TSBP1: variants seen among roughly 807,000 people sequenced by gnomAD.
TSBP1 encodes testis expressed basic protein 1, also known as testis-expressed basic protein 1.
TSBP1 carries 56 observed loss-of-function variants against 68.8 expected under a neutral mutation model. That is an observed-to-expected ratio of 0.81 (90% CI 0.66 to 1.02). TSBP1 has a LOEUF of 1.02. Among genes scored for constraint, TSBP1 ranks in the 50% least tolerant of loss-of-function variants. The probability of loss-of-function intolerance (pLI) is 0.00; values close to 1 mark genes in which losing one functional copy is unlikely to be tolerated. For synonymous variants in TSBP1, 171 were observed against 208.7 expected (o/e 0.82, Z 1.56); for missense variants, 502 against 641.2 (o/e 0.78, Z 2.34).
chr6:32,296,454 C>T (rs1582958471), intron 22 of TSBP1, among the ~76,000 whole-genome samples: 1 of 152,240 alleles, frequency 6.6e-6, no homozygotes, highest in Non-Finnish European at 1.5e-5. Context: ...TGGTTACTGA[C>T]ATTTTATTCT....
chr6:32,364,848 A>C (rs1479255869), intron 6 of TSBP1, among the ~76,000 whole-genome samples: 4 of 152,108 alleles, frequency 2.6e-5, no homozygotes, highest in Admixed American at 1.3e-4. Context: ...TCACATTTGA[A>C]GAAACAGTCA....
intron 9 of TSBP1, among the ~76,000 whole-genome samples, chr6:32,341,277 T>C (rs1407133897): frequency 6.6e-6 from 1 of 152,202 alleles, no homozygotes; most frequent in East Asian, 1.9e-4. Flanking sequence ...GGACATTGTC[T>C]CTGTGGATAT....
At chr6:32,311,705 G>T (rs1338143075) in intron 19 of TSBP1, among the ~76,000 whole-genome samples, 1 of 152,190 alleles carries the variant, frequency 6.6e-6, no homozygotes, top group Non-Finnish European at 1.5e-5. Context: ...GAATGGTGTT[G>T]TAGGGGAGGA....
At chr6:32,313,787 A>G (rs1266110393) in intron 19 of TSBP1, among the ~76,000 whole-genome samples, 1 of 152,180 alleles carries the variant, frequency 6.6e-6, no homozygotes, top group East Asian at 1.9e-4. Flanking sequence ...CTGCATGGGT[A>G]GCACACCTCC....
intron 6 of TSBP1, among the ~76,000 whole-genome samples, chr6:32,362,117 T>C (rs1045452560): frequency 1.3e-5 from 2 of 151,724 alleles, no homozygotes; most frequent in Admixed American, 6.6e-5. Context: ...GGTGAAACCC[T>C]GTCTCTACTA....
At chr6:32,310,375 T>C (rs997552830) in intron 19 of TSBP1, among the ~76,000 whole-genome samples, 1 of 152,134 alleles carries the variant, frequency 6.6e-6, no homozygotes, top group Non-Finnish European at 1.5e-5. Context: ...AATTATTACA[T>C]TTAAAATTAT....
chr6:32,364,347 C>A (rs1437658652), intron 6 of TSBP1, among the ~76,000 whole-genome samples: 1 of 151,006 alleles, frequency 6.6e-6, no homozygotes, highest in African/African-American at 2.4e-5. Flanking sequence ...TCCAATAATG[C>A]AAAAAGTTAG....
At chr6:32,368,874 G>C (rs1035388815) in intron 2 of TSBP1, 60 bp from the exon 3 acceptor site, 1 of 1,546,638 alleles carries the variant, frequency 6.5e-7, no homozygotes, top group Non-Finnish European at 8.8e-7. Context: ...TTCTTCCTCT[G>C]ATCAAACTCT....
At chr6:32,332,131 G>C (rs17605238) in intron 14 of TSBP1, 77 bp from the exon 16 acceptor site, 172,815 of 1,056,348 alleles carry the variant, frequency 0.16, 16,397 homozygotes, top group East Asian at 0.35. Flanking sequence ...TCCTAGAAGT[G>C]AGGCTTTGAG....
rs1379894781 is a variant in TSBP1, at chr6:32,314,501, TC to T, written c.580+1270del. Among the ~76,000 whole-genome samples, 1 of 152,324 alleles carries T rather than the reference TC, an allele frequency of 6.6e-6. No homozygotes were observed. Among genetic ancestry groups the T allele is most frequent in the East Asian group, 1.9e-4 (1 of 5,188 alleles). On this transcript the variant is annotated intron_variant, in intron 19 of 22. Transcript: ENST00000612031. This position sits in a 1 kb window ranked among gnomAD's most constrained non-coding sequence, Gnocchi z 4.2. Reference sequence around the variant, plus strand: ...TGGAATTTCCAGCTTCATTTCTGGGTCTCAACCACTGAGTATGTATTTTCAT... The same window carrying T: ...TGGAATTTCCAGCTTCATTTCTGGGTTCAACCACTGAGTATGTATTTTCAT...
intron 16 of TSBP1, among the ~76,000 whole-genome samples, chr6:32,327,870 C>G (rs1768425442): frequency 6.6e-6 from 1 of 151,676 alleles, no homozygotes; most frequent in Admixed American, 6.6e-5. Context: ...CGGCTTACTG[C>G]AAGCTCTGGC....
At chr6:32,371,179 A>AT (rs5875365) in intron 1 of TSBP1, among the ~76,000 whole-genome samples, 9 of 151,380 alleles carry the variant, frequency 5.9e-5, no homozygotes, top group South Asian at 2.1e-4. Flanking sequence ...TATTATGTGA[A>AT]TTTTTTTTTT....
exon 9 of TSBP1, chr6:32,349,793 T>C: frequency 6.2e-7 from 1 of 1,610,314 alleles, no homozygotes; most frequent in Non-Finnish European, 8.5e-7. Context: ...AAGAATGAGT[T>C]CTGTTTGTCC....
chr6:32,309,627 G>A (rs1483489015), intron 19 of TSBP1, among the ~76,000 whole-genome samples: 1 of 152,008 alleles, frequency 6.6e-6, no homozygotes, highest in Non-Finnish European at 1.5e-5. Flanking sequence ...TGGGTATATA[G>A]TAGGTGCAAG....
At chr6:32,293,094 T>C (rs1023557423) in exon 23 of TSBP1, 1 of 1,608,184 alleles carries the variant, frequency 6.2e-7, no homozygotes, top group South Asian at 1.1e-5. Context: ...ACTTTGTCCT[T>C]TCCTTTGTCA....
chr6:32,345,368 T>C (rs896806473), intron 9 of TSBP1, among the ~76,000 whole-genome samples: 2 of 152,006 alleles, frequency 1.3e-5, no homozygotes, highest in African/African-American at 4.8e-5. Flanking sequence ...TCCACATCAG[T>C]CTGAGTTAAT....
intron 16 of TSBP1, among the ~76,000 whole-genome samples, chr6:32,327,395 A>C: frequency 6.6e-6 from 1 of 152,206 alleles, no homozygotes; most frequent in Admixed American, 6.5e-5. Flanking sequence ...AGGCTTAAAG[A>C]GGGTAACTGC....
chr6:32,356,290 G>C (rs1439891982), intron 6 of TSBP1, among the ~76,000 whole-genome samples: 1 of 151,334 alleles, frequency 6.6e-6, no homozygotes, highest in South Asian at 2.1e-4. Flanking sequence ...ACTCAGAAAT[G>C]TGAAGACAAT....
At chr6:32,362,954 A>G (rs1295292020) in intron 6 of TSBP1, among the ~76,000 whole-genome samples, 5 of 152,078 alleles carry the variant, frequency 3.3e-5, no homozygotes. Context: ...TGGATGCTCT[A>G]TTCATTGTCA....
Sources: gnomAD v4.1 joint callset for allele counts (sites outside exome capture counted in the v4.1 genomes callset) on GRCh38, gnomAD v4.1.1 for gene constraint, Gnocchi (gnomAD v3.1) non-coding constraint, MANE v1.5 for transcripts, NCBI Gene and HGNC (gene_info 2026-07-23, HGNC 2026-07-21) for gene names.